The following LRRC14 variants were observed in gnomAD, a reference collection of about 807,000 sequenced individuals.
LRRC14 encodes the protein leucine rich repeat containing 14, also known as leucine-rich repeat-containing protein 14.
In LRRC14, 16 loss-of-function variants were observed where a neutral mutation model predicts 25.3. The ratio of observed to expected loss-of-function variants is 0.63; its 90% CI spans 0.43 to 0.96. LRRC14 has a LOEUF of 0.96. LRRC14 is among the 40% of genes least tolerant of loss of function. LRRC14 has a pLI of 0.00. For synonymous variants in LRRC14, 359 were observed against 295.1 expected, an observed-to-expected ratio of 1.22 and a Z score of -2.22; for missense variants, 594 against 660.5, an observed-to-expected ratio of 0.90 and a Z score of 1.10.
chr8:144,521,326 G>A lies in LRRC14; in HGVS notation c.1330G>A (p.Ala444Thr). 1 of 1,613,074 alleles carries A rather than the reference G, an allele frequency of 6.2e-7. No homozygotes were observed. Among genetic ancestry groups the A allele is most frequent in the South Asian group, 1.1e-5 (1 of 91,086 alleles). Residue 444 changes from alanine (A) to threonine (T), a missense_variant, in exon 4 of 4, where the codon GCC (alanine) becomes ACC (threonine). Transcript: ENST00000292524. ...TGAGGGCTTGCCCTGGCCGCCGCCTGCCTCTGTCCTGCTGGAGGCCTCCAT... is the reference window on the plus strand; with the variant it reads ...TGAGGGCTTGCCCTGGCCGCCGCCTACCTCTGTCCTGCTGGAGGCCTCCAT... ...CYEGLPWPPP[A>T]SVLLEASINE...
At position 144,519,942 on chromosome 8, in the gene LRRC14, C is replaced by T. The variant is rs750715244; in HGVS notation, c.217C>T (p.Arg73Cys). 13 of 1,613,044 alleles carry T rather than the reference C, an allele frequency of 8.1e-6. No individual in the cohort carries two copies. Among genetic ancestry groups the T allele is most frequent in the South Asian group, 5.5e-5 (5 of 91,088 alleles). ...GCTACAGGAGTGTGCCCACTGCAGC[C>T]GTGCCCTCCTGCAGGAGCGGCCTAG... ...QLLQECAHCS[R>C]ALLQERPSTE... Residue 73 changes from arginine to cysteine, a missense_variant, in exon 2 of 4, where the codon CGT becomes TGT. By Grantham distance (180) the Arg-to-Cys change is radical. Transcript: ENST00000292524.
At position 144,520,497 on chromosome 8, in the gene LRRC14, T is replaced by C; in HGVS notation, c.589T>C (p.Cys197Arg). 6.3e-7 allele frequency: 1 copy of C among 1,598,574 alleles called. No homozygotes were observed. The highest frequency in any genetic ancestry group is 8.5e-7 in the Non-Finnish European group (1 of 1,178,508). ...SSVGSPLRLC[C>R]RDLRAEDLPM... ...CGTGGGCAGCCCGCTGCGGCTCTGC[T>C]GCCGGGACCTGCGAGCTGAGGACCT... Residue 197 changes from cysteine (C) to arginine (R), a missense_variant, in exon 3 of 4, where the codon TGC (cysteine) becomes CGC (arginine). Coordinates refer to ENST00000292524, the MANE Select transcript of LRRC14 (RefSeq NM_014665.4).
In LRRC14 at chr8:144,522,132, G is replaced by A. The variant is rs1816109715; in HGVS notation, c.*654G>A. ...CAACTGCCATCCAGCCTGTCGCCCC[G>A]CCCTTCGCGGGGCAGCCCCGTCGGC... On this transcript the variant is annotated 3_prime_UTR_variant, in exon 4 of 4. Transcript: ENST00000292524. The A allele has an allele frequency of 1.0e-5, 3 of 298,666 alleles. No individual in the cohort carries two copies. Among genetic ancestry groups the A allele is most frequent in the African/African-American group, 2.2e-5 (1 of 46,280 alleles). The allele number at this position is 298,666 out of a possible 1,614,324, so 18.5% of individuals were successfully genotyped here.
In LRRC14 at chr8:144,519,689, C is replaced by T. The variant is rs1185087200; in HGVS notation, c.-37C>T. On this transcript the variant is annotated 5_prime_UTR_variant, in exon 2 of 4. Transcript: ENST00000292524. The stretch of plus-strand genomic sequence containing the variant: ...AGGGTCTCTCCTCCCTGCTGAAGTC[C>T]CTCTCCTGCAGGTGGCCGTCTGCCC... 2.6e-6 allele frequency: 4 copies of T among 1,548,794 alleles called. No individual in the cohort carries two copies. The African/African-American group carries it at 5.4e-5, about 21-fold the overall frequency.
Position 144,521,011 on chromosome 8 carries a change from A to G in LRRC14, c.1015A>G (p.Lys339Glu), listed in dbSNP as rs1815999571. 3 of 1,613,102 alleles carry G rather than the reference A, an allele frequency of 1.9e-6. No homozygotes were observed. The highest frequency in any genetic ancestry group is 2.5e-6 in the Non-Finnish European group (3 of 1,180,006). Reference sequence around the variant, plus strand: ...ACGGAGCCCACATGCTGCCCACCTCAAGAAGTTGGACCTGAGTGGTAACGA... The same window carrying G: ...ACGGAGCCCACATGCTGCCCACCTCGAGAAGTTGGACCTGAGTGGTAACGA... ...LARSPHAAHLKKLDLSGNDLS... is the reference protein window; with the variant it reads ...LARSPHAAHLEKLDLSGNDLS... The change falls in exon 4 of 4, where the codon AAG becomes GAG. Residue 339 changes from lysine (K) to glutamate (E), a missense_variant. Coordinates refer to ENST00000292524, the MANE Select transcript of LRRC14 (RefSeq NM_014665.4).
At position 144,523,319 on chromosome 8, in the gene LRRC14, T is replaced by A; in HGVS notation, c.*1841T>A. 2 of 1,608,390 alleles carry A rather than the reference T, an allele frequency of 1.2e-6. No individual in the cohort carries two copies. The highest frequency in any genetic ancestry group is 2.2e-5 in the South Asian group (2 of 90,816). ...GCGCGGGGGCTCTGCACACATGATC[T>A]TCCTGTCCCTGGAGGTGAGCAGCCG... On this transcript the variant is annotated 3_prime_UTR_variant, in exon 4 of 4. Coordinates refer to ENST00000292524, the MANE Select transcript of LRRC14 (RefSeq NM_014665.4).
chr8:144,519,344 G>A (rs1353903737), intron 1 of LRRC14: 1 of 311,238 alleles, frequency 3.2e-6, no homozygotes, highest in Non-Finnish European at 6.2e-6. Flanking sequence ...AGAAGGTTTT[G>A]TGAAGCAGCT....
At position 144,523,377 on chromosome 8, in the gene LRRC14, A is replaced by G. The variant is rs1816208660; in HGVS notation, c.*1899A>G. Reference sequence around the variant, plus strand: ...CCCTCCTTGATCCAGGCACCCAGCCAGTGCAGGGCGCAGTCACAGCGCCAT... The same window carrying G: ...CCCTCCTTGATCCAGGCACCCAGCCGGTGCAGGGCGCAGTCACAGCGCCAT... On this transcript the variant is annotated 3_prime_UTR_variant, in exon 4 of 4. Transcript: ENST00000292524. 1 of 1,557,216 alleles carries G rather than the reference A, an allele frequency of 6.4e-7. No individual in the cohort carries two copies. The highest frequency in any genetic ancestry group is 1.2e-5 in the South Asian group (1 of 82,964).
chr8:144,524,380 A>C lies in LRRC14; in HGVS notation c.*2902A>C. 3 of 1,593,884 alleles carry C rather than the reference A, an allele frequency of 1.9e-6. No individual in the cohort carries two copies. Among genetic ancestry groups the C allele is most frequent in the Non-Finnish European group, 2.5e-6 (3 of 1,176,774 alleles). On this transcript the variant is annotated 3_prime_UTR_variant, in exon 4 of 4. Coordinates refer to ENST00000292524, the MANE Select transcript of LRRC14 (RefSeq NM_014665.4). The stretch of plus-strand genomic sequence containing the variant: ...CTGGGTTGCCTTTTCTAACTATTCC[A>C]GCCCTACAGGGCGAGGGGCCATAAT...
In LRRC14 at chr8:144,521,289, T is replaced by C; in HGVS notation, c.1293T>C (p.Pro431=). Residue 431 remains proline, a synonymous_variant, in exon 4 of 4, where the codon CCT becomes CCC. Coordinates refer to ENST00000292524, the MANE Select transcript of LRRC14 (RefSeq NM_014665.4). ...TGCGTACTGTGGTGCACCCCTTCCC[T>C]GTGGACTGCTATGAGGGCTTGCCCT... is the stretch of plus-strand genomic sequence containing the variant. ...AELRTVVHPF[P]VDCYEGLPWP... The C allele has an allele frequency of 1.9e-6, 3 of 1,613,054 alleles. No homozygotes were observed. The highest frequency in any genetic ancestry group is 2.5e-6 in the Non-Finnish European group (3 of 1,179,986).
chr8:144,520,001 G>C lies in LRRC14; in HGVS notation c.276G>C (p.Leu92=). 6.2e-7 allele frequency: 1 copy of C among 1,611,606 alleles called. No individual in the cohort carries two copies. The highest frequency in any genetic ancestry group is 1.1e-5 in the South Asian group (1 of 91,076). The change falls in exon 2 of 4, where the codon CTG becomes CTC. Residue 92 remains leucine, a synonymous_variant. Transcript: ENST00000292524. ...GCATGCAGGCTGTTATCCTGGGGCT[G>C]ACTGCCCGGCTCCACACCTCAGAGC... The part of the protein sequence containing the change: ...TESMQAVILG[L]TARLHTSEPG...
chr8:144,522,242 C>CCA lies in LRRC14; in HGVS notation c.*764_*765insCA. The CCA allele has an allele frequency of 1.9e-6, 1 of 522,994 alleles. No individual in the cohort carries two copies. 32.4% of individuals were successfully genotyped at this position (522,994 alleles called of 1,614,324 possible). A position where few individuals can be genotyped will look rare whatever the true frequency, so the allele number is the denominator to read the frequency against. Reference sequence around the variant, plus strand: ...GCCAGGGCCAGCGAGGGACCCCCCCCATGCAGAGCTGGAGGTTGGGGTGAT... The same window carrying CCA: ...GCCAGGGCCAGCGAGGGACCCCCCCCCAATGCAGAGCTGGAGGTTGGGGTGAT... On this transcript the variant is annotated 3_prime_UTR_variant, in exon 4 of 4. Transcript: ENST00000292524.
Position 144,521,328 on chromosome 8 carries a change from C to G in LRRC14, c.1332C>G (p.Ala444=), listed in dbSNP as rs765259654. 1.2e-6 allele frequency: 2 copies of G among 1,613,110 alleles called. No individual in the cohort carries two copies. Among genetic ancestry groups the G allele is most frequent in the African/African-American group, 1.3e-5 (1 of 75,062 alleles). ...AGGGCTTGCCCTGGCCGCCGCCTGC[C>G]TCTGTCCTGCTGGAGGCCTCCATCA... is the stretch of plus-strand genomic sequence containing the variant. ...CYEGLPWPPP[A]SVLLEASINE... is the part of the protein sequence containing the mutation. Residue 444 remains alanine (A), a synonymous_variant, in exon 4 of 4, where the codon GCC becomes GCG. Coordinates refer to ENST00000292524, the MANE Select transcript of LRRC14 (RefSeq NM_014665.4).
Position 144,523,817 on chromosome 8 carries a change from G to C in LRRC14, c.*2339G>C. On this transcript the variant is annotated 3_prime_UTR_variant, in exon 4 of 4. Transcript: ENST00000292524. The stretch of plus-strand genomic sequence containing the variant: ...GGAATGTCCCCAGTCCTGGTCAGCT[G>C]TCTCTCTCCTTTGCAATTTTGTCTG... The C allele has an allele frequency of 2.1e-6, 1 of 472,702 alleles. No individual in the cohort carries two copies. 29.3% of individuals were successfully genotyped at this position (472,702 alleles called of 1,614,324 possible).
In LRRC14 at chr8:144,523,577, G is replaced by C; in HGVS notation, c.*2099G>C. On this transcript the variant is annotated 3_prime_UTR_variant, in exon 4 of 4. Transcript: ENST00000292524. ...TCCTTGACCCCAAGCTCCTTGGGGC[G>C]GCAGGCCCTTCACCCTCGCCCCCCT... is the stretch of plus-strand genomic sequence containing the variant. 1.8e-6 allele frequency: 2 copies of C among 1,112,256 alleles called. No homozygotes were observed. Among genetic ancestry groups the C allele is most frequent in the Non-Finnish European group, 2.4e-6 (2 of 846,942 alleles). The allele number at this position is 1,112,256 out of a possible 1,614,324, so 68.9% of individuals were successfully genotyped here. A position where few individuals can be genotyped will look rare whatever the true frequency, so the allele number is the denominator to read the frequency against.
rs1389026933 is a variant in LRRC14 at position 144,523,683 on chromosome 8, C to G, written c.*2205C>G. ...AGAAAGCACCTGCTCCTTAAGTCTT[C>G]CTGCAACAAGTGCCACTGTTTTTAG... On this transcript the variant is annotated 3_prime_UTR_variant, in exon 4 of 4. Coordinates refer to ENST00000292524, the MANE Select transcript of LRRC14 (RefSeq NM_014665.4). 4.5e-6 allele frequency: 2 copies of G among 443,394 alleles called. No individual in the cohort carries two copies. The highest frequency in any genetic ancestry group is 7.8e-6 in the Non-Finnish European group (2 of 257,452). The allele number at this position is 443,394 out of a possible 1,614,324, so 27.5% of individuals were successfully genotyped here.
At position 144,525,029 on chromosome 8, in the gene LRRC14, C is replaced by G; in HGVS notation, c.*3551C>G. 1 of 1,379,706 alleles carries G rather than the reference C, an allele frequency of 7.2e-7. No homozygotes were observed. The highest frequency in any genetic ancestry group is 1.7e-5 in the South Asian group (1 of 59,350). 85.5% of individuals were successfully genotyped at this position (1,379,706 alleles called of 1,614,324 possible). ...TCCGCGGTTCAGCCGCAGACGCGTG[C>G]CCTCCTGAAACACAGGTTGGCAGGC... is the stretch of plus-strand genomic sequence containing the variant. On this transcript the variant is annotated 3_prime_UTR_variant, in exon 4 of 4. Coordinates refer to ENST00000292524, the MANE Select transcript of LRRC14 (RefSeq NM_014665.4).
Position 144,523,472 on chromosome 8 carries a change from G to A in LRRC14, c.*1994G>A. 1 of 1,488,302 alleles carries A rather than the reference G, an allele frequency of 6.7e-7. No individual in the cohort carries two copies. The highest frequency in any genetic ancestry group is 2.4e-5 in the East Asian group (1 of 42,140). 92.2% of individuals were successfully genotyped at this position (1,488,302 alleles called of 1,614,324 possible). ...GCTGCTAAAACAGCCTGTGCAGTTG[G>A]GGTTTTGCAGGCCAGGACAGAGGCC... On this transcript the variant is annotated 3_prime_UTR_variant, in exon 4 of 4. Transcript: ENST00000292524.
chr8:144,519,552 G>A, intron 1 of LRRC14, 63 bp from the exon 2 acceptor site: 2 of 624,710 alleles, frequency 3.2e-6, no homozygotes, highest in East Asian at 5.5e-5. Flanking sequence ...CCAGCCCAGC[G>A]CTAGGCATCT....
Sources: allele counts gnomAD v4.1 joint callset, GRCh38; gene constraint gnomAD v4.1.1; transcripts MANE v1.5; gene names NCBI Gene and HGNC (gene_info 2026-07-23, HGNC 2026-07-21).